Variants in ANXA4 observed in about 807,000 individuals in gnomAD.
ANXA4 encodes the protein 35-beta calcimedin.
Under a neutral mutation model 49.8 loss-of-function variants are expected in ANXA4, and 39 were observed. The observed-to-expected ratio is 0.78, with a 90% CI of 0.61 to 1.02. The LOEUF is 1.02. ANXA4 is among the 50% of genes least tolerant of loss of function. The pLI is 0.00. For synonymous variants in ANXA4, 134 were observed against 152.5 expected, an observed-to-expected ratio of 0.88 and a Z score of 0.89; for missense variants, 360 against 410.1, an observed-to-expected ratio of 0.88 and a Z score of 1.05.
intron 1 of ANXA4, among the ~76,000 whole-genome samples, chr2:69,759,855 C>A (rs762570246): frequency 1.3e-5 from 2 of 151,908 alleles, no homozygotes; most frequent in African/African-American, 4.8e-5. Flanking sequence ...TTTTTTGAGA[C>A]GGAGTCTGGC....
chr2:69,785,423 T>C (rs1399006946), intron 2 of ANXA4, among the ~76,000 whole-genome samples: 2 of 152,214 alleles, frequency 1.3e-5, no homozygotes, highest in Non-Finnish European at 2.9e-5. Flanking sequence ...TATGCCACCT[T>C]GTACAAATGC....
At chr2:69,663,836 A>C (rs1365788601) in intron 2 of ANXA4, among the ~76,000 whole-genome samples, 1 of 152,244 alleles carries the variant, frequency 6.6e-6, no homozygotes, top group Non-Finnish European at 1.5e-5. Context: ...GAAAGAAATA[A>C]GAAAGGTTAA....
rs144227745 is a variant in ANXA4 at position 69,718,169 on chromosome 2, G to A, written n.767-2605G>A. Reference sequence around the variant, plus strand: ...ATTCTCCAAATGTCAAGTTCCTGCTGTGTAACCCCAGGAGAACCTTGCTTC... The same window carrying A: ...ATTCTCCAAATGTCAAGTTCCTGCTATGTAACCCCAGGAGAACCTTGCTTC... On this transcript the variant is annotated intron_variant and non_coding_transcript_variant, in intron 2 of 3. Transcript: ENST00000418066. Among the ~76,000 whole-genome samples the A allele has an allele frequency of 2.1e-3, 314 of 152,246 alleles. 2 individuals are homozygous for A. Among genetic ancestry groups the A allele is most frequent in the African/African-American group, 6.9e-3 (285 of 41,536 alleles).
rs571081140 is a variant in ANXA4, at chr2:69,700,586, G to A, written n.767-20188G>A. Reference sequence around the variant, plus strand: ...ACACAACACACACTTTTAGAAATGCGTACACATGGGTCGTACAGTACACAT... The same window carrying A: ...ACACAACACACACTTTTAGAAATGCATACACATGGGTCGTACAGTACACAT... On this transcript the variant is annotated intron_variant and non_coding_transcript_variant, in intron 2 of 3. Coordinates refer to the ANXA4 transcript ENST00000418066. 3.3e-5 allele frequency among the ~76,000 whole-genome samples: 5 copies of A among 152,104 alleles called. No homozygotes were observed. The South Asian group carries it at 6.2e-4, about 19-fold the overall frequency.
At chr2:69,666,860 A>G (rs1676957028) in intron 2 of ANXA4, among the ~76,000 whole-genome samples, 1 of 152,170 alleles carries the variant, frequency 6.6e-6, no homozygotes, top group Non-Finnish European at 1.5e-5. Context: ...AGCCTGGCCA[A>G]CATGGCAAAA....
intron 3 of ANXA4, among the ~76,000 whole-genome samples, chr2:69,736,764 A>G (rs930753622): frequency 4.6e-5 from 7 of 152,190 alleles, no homozygotes; most frequent in African/African-American, 1.4e-4. Flanking sequence ...ATGAGAATCT[A>G]TGTTAGAAAT....
chr2:69,732,719 T>A (rs1324178406), intron 3 of ANXA4, among the ~76,000 whole-genome samples: 1 of 151,948 alleles, frequency 6.6e-6, no homozygotes, highest in Non-Finnish European at 1.5e-5. Flanking sequence ...GATCGCACCA[T>A]TGCACTCCAG....
intron 2 of ANXA4, among the ~76,000 whole-genome samples, chr2:69,710,602 A>C (rs573481086): frequency 1.3e-5 from 2 of 152,320 alleles, no homozygotes; most frequent in East Asian, 3.9e-4. Context: ...ACTCTTACAA[A>C]TCAATTATAA....
chr2:69,799,476 T>C (rs753723427), intron 3 of ANXA4, among the ~76,000 whole-genome samples: 4 of 152,220 alleles, frequency 2.6e-5, no homozygotes, highest in Admixed American at 6.5e-5. Context: ...AGAAGAGAAG[T>C]GATTTTTTTT....
chr2:69,710,212 C>T (rs1678634182), intron 2 of ANXA4, among the ~76,000 whole-genome samples: 1 of 152,036 alleles, frequency 6.6e-6, no homozygotes, highest in African/African-American at 2.4e-5. Flanking sequence ...GTCTTGAACT[C>T]CTGACCTTGT....
At chr2:69,737,943 A>C (rs1425219913), upstream of ANXA4, among the ~76,000 whole-genome samples, 1 of 152,084 alleles carries the variant, frequency 6.6e-6, no homozygotes, top group Admixed American at 6.5e-5. Context: ...CTCTTACTTA[A>C]GTGTGCCAGA....
intron 3 of ANXA4, among the ~76,000 whole-genome samples, chr2:69,731,059 A>G (rs1338053434): frequency 6.6e-6 from 1 of 152,214 alleles, no homozygotes; most frequent in Non-Finnish European, 1.5e-5. Flanking sequence ...CACTATTTAT[A>G]TTAAAATTCA....
intron 12 of ANXA4, among the ~76,000 whole-genome samples, chr2:69,822,425 T>C (rs1674281369): frequency 6.6e-6 from 1 of 152,138 alleles, no homozygotes; most frequent in Non-Finnish European, 1.5e-5. Context: ...CTCAGTTATA[T>C]ACTTAAATGA....
At chr2:69,811,303 G>A (rs1673696218) in intron 7 of ANXA4, 2 of 153,378 alleles carry the variant, frequency 1.3e-5, no homozygotes, top group Non-Finnish European at 2.9e-5. Context: ...TCTATGTTGG[G>A]AGCAGTTTAC....
chr2:69,744,137 G>T (rs114587561), intron 1 of ANXA4, among the ~76,000 whole-genome samples: 3,751 of 152,136 alleles, frequency 0.025, 155 homozygotes, highest in African/African-American at 0.086. Flanking sequence ...GCAAGACCCC[G>T]TCTCTACAAA....
chr2:69,797,737 A>T (rs1673002978), intron 3 of ANXA4, among the ~76,000 whole-genome samples: 1 of 152,192 alleles, frequency 6.6e-6, no homozygotes. Flanking sequence ...GAGTACTGAG[A>T]CTAAAATTTG....
chr2:69,670,206 G>A (rs1156527826), intron 2 of ANXA4, among the ~76,000 whole-genome samples: 1 of 152,038 alleles, frequency 6.6e-6, no homozygotes, highest in African/African-American at 2.4e-5. Context: ...TTGGGAAGTC[G>A]AAGCAGGTGG....
intron 2 of ANXA4, among the ~76,000 whole-genome samples, chr2:69,659,872 G>T (rs1676645315): frequency 6.6e-6 from 1 of 152,172 alleles, no homozygotes; most frequent in African/African-American, 2.4e-5. Context: ...TGGCAGTGGG[G>T]GCTGGGGAGA....
At chr2:69,698,538 C>T (rs1342488391) in intron 2 of ANXA4, among the ~76,000 whole-genome samples, 4 of 152,046 alleles carry the variant, frequency 2.6e-5, no homozygotes, top group African/African-American at 4.8e-5. Flanking sequence ...GAGCCTAGGG[C>T]GGCAGAGAAG....
Sources: allele counts gnomAD v4.1 joint callset (sites outside exome capture counted in the v4.1 genomes callset), GRCh38; gene constraint gnomAD v4.1.1; transcripts MANE v1.5; gene names NCBI Gene and HGNC (gene_info 2026-07-23, HGNC 2026-07-21).